FSTL4: variants seen among roughly 807,000 people sequenced by gnomAD.
FSTL4 encodes follistatin-related protein 4.
FSTL4 carries 28 observed loss-of-function variants against 78.2 expected under a neutral mutation model. The ratio of observed to expected loss-of-function variants is 0.36; its 90% CI spans 0.27 to 0.49. The LOEUF (loss-of-function observed/expected upper bound fraction) is 0.49, where lower values mean the gene tolerates loss of function less well. Among genes scored for constraint, FSTL4 ranks in the 20% least tolerant of loss-of-function variants. The probability of loss-of-function intolerance (pLI) is 0.98; values close to 1 mark genes in which losing one functional copy is unlikely to be tolerated. For synonymous variants in FSTL4, 422 were observed against 440.5 expected (o/e 0.96, Z 0.53); for missense variants, 922 against 1,084.9 (o/e 0.85, Z 2.11).
chr5:133,691,613 G>A, the FSTL4 span, among the ~76,000 whole-genome samples: 36 of 152,226 alleles, frequency 2.4e-4, no homozygotes, highest in East Asian at 2.3e-3. Flanking sequence ...TTTGGTCCAA[G>A]TCTCACACTG....
intron 3 of FSTL4, among the ~76,000 whole-genome samples, chr5:133,547,390 G>A (rs1759603414): frequency 6.6e-6 from 1 of 152,162 alleles, no homozygotes; most frequent in Admixed American, 6.5e-5. Flanking sequence ...AGACCTTTGG[G>A]ACTATTAGAA....
chr5:133,310,737 A>C (rs1266423092), intron 6 of FSTL4, among the ~76,000 whole-genome samples: 1 of 152,214 alleles, frequency 6.6e-6, no homozygotes, highest in African/African-American at 2.4e-5. Context: ...CTTTTCCTTC[A>C]TAACTCCTTT....
chr5:133,741,662 C>A, the FSTL4 span, among the ~76,000 whole-genome samples: 1 of 152,282 alleles, frequency 6.6e-6, no homozygotes, highest in East Asian at 1.9e-4. Flanking sequence ...CCTCTCTGCC[C>A]AAGTGGGAAA....
intron 7 of FSTL4, among the ~76,000 whole-genome samples, chr5:133,243,247 C>G (rs749582521): frequency 6.6e-6 from 1 of 151,970 alleles, no homozygotes; most frequent in South Asian, 2.1e-4. Context: ...AAAAAAAAAC[C>G]CAAAACAAAA....
the FSTL4 span, among the ~76,000 whole-genome samples, chr5:133,630,725 A>G: frequency 2.0e-5 from 3 of 152,238 alleles, no homozygotes; most frequent in African/African-American, 7.2e-5. Context: ...GCATCACGCT[A>G]CCTGACTTCA....
chr5:133,560,113 G>A (rs1272617180), intron 3 of FSTL4, among the ~76,000 whole-genome samples: 1 of 152,228 alleles, frequency 6.6e-6, no homozygotes, highest in Non-Finnish European at 1.5e-5. Flanking sequence ...TGCCTGCACA[G>A]CAGCATGAGA....
intron 4 of FSTL4, among the ~76,000 whole-genome samples, chr5:133,370,867 G>A (rs1042897591): frequency 2.6e-5 from 4 of 152,198 alleles, no homozygotes; most frequent in African/African-American, 9.7e-5. Flanking sequence ...GCCCCATGGA[G>A]CAACAGGGAA....
chr5:133,633,724 G>T, the FSTL4 span, among the ~76,000 whole-genome samples: 1 of 152,164 alleles, frequency 6.6e-6, no homozygotes, highest in South Asian at 2.1e-4. Context: ...TGAAACTCTG[G>T]ATCTTATTTA....
At chr5:133,674,812 G>A in the FSTL4 span, among the ~76,000 whole-genome samples, 1 of 152,168 alleles carries the variant, frequency 6.6e-6, no homozygotes, top group Non-Finnish European at 1.5e-5. Context: ...ATAGGCGTTA[G>A]GGTAGGAAAT....
chr5:133,249,334 C>A, intron 7 of FSTL4, 76 bp downstream of exon 7: 3 of 1,161,872 alleles, frequency 2.6e-6, no homozygotes, highest in Non-Finnish European at 3.9e-6. Flanking sequence ...CGTCCTGCCA[C>A]TGTCTGTGGC....
At chr5:133,655,647 G>A in the FSTL4 span, among the ~76,000 whole-genome samples, 3 of 152,080 alleles carry the variant, frequency 2.0e-5, no homozygotes, top group Admixed American at 1.3e-4. Flanking sequence ...GAAGGGAAAC[G>A]GAAAACATAA....
At chr5:133,356,802 G>C (rs531883283) in intron 4 of FSTL4, among the ~76,000 whole-genome samples, 2 of 152,338 alleles carry the variant, frequency 1.3e-5, no homozygotes, top group South Asian at 4.1e-4. Context: ...TTTGGCAGGG[G>C]ACCCCTCACA....
At chr5:133,739,771 T>C in the FSTL4 span, among the ~76,000 whole-genome samples, 1 of 152,260 alleles carries the variant, frequency 6.6e-6, no homozygotes, top group East Asian at 1.9e-4. Context: ...CTTCCTTCTG[T>C]GGAGAAGGTA....
chr5:133,610,803 T>C (rs905441226), intron 1 of FSTL4, among the ~76,000 whole-genome samples: 1 of 152,176 alleles, frequency 6.6e-6, no homozygotes, highest in Non-Finnish European at 1.5e-5. Flanking sequence ...AATTTGGCAG[T>C]AGGAAAATAA....
intron 7 of FSTL4, among the ~76,000 whole-genome samples, chr5:133,235,735 G>A (rs1232527477): frequency 6.6e-6 from 1 of 152,144 alleles, no homozygotes; most frequent in Non-Finnish European, 1.5e-5. Flanking sequence ...GCTTCAAAGA[G>A]CCCTTTTCTA....
At chr5:133,219,214 C>T (rs1301983942) in intron 12 of FSTL4, among the ~76,000 whole-genome samples, 1 of 152,144 alleles carries the variant, frequency 6.6e-6, no homozygotes, top group Non-Finnish European at 1.5e-5. Flanking sequence ...CTAATGGCAC[C>T]CAGATCTGTC....
At chr5:133,680,248 A>G in the FSTL4 span, among the ~76,000 whole-genome samples, 1 of 152,166 alleles carries the variant, frequency 6.6e-6, no homozygotes, top group Non-Finnish European at 1.5e-5. Flanking sequence ...ACTGAGACCT[A>G]CTATGAGGCC....
chr5:133,240,743 C>T (rs1751843497), intron 7 of FSTL4, among the ~76,000 whole-genome samples: 1 of 152,164 alleles, frequency 6.6e-6, no homozygotes, highest in South Asian at 2.1e-4. Context: ...CATGTGGTTC[C>T]TGTGCATAAC....
intron 3 of FSTL4, among the ~76,000 whole-genome samples, chr5:133,505,980 T>A (rs1314465460): frequency 6.6e-6 from 1 of 152,206 alleles, no homozygotes; most frequent in Non-Finnish European, 1.5e-5. Flanking sequence ...AAGACAACTA[T>A]AGAATCCCAG....
Sources: gnomAD v4.1 joint callset for allele counts (sites outside exome capture counted in the v4.1 genomes callset) on GRCh38, gnomAD v4.1.1 for gene constraint, MANE v1.5 for transcripts, NCBI Gene and HGNC (gene_info 2026-07-23, HGNC 2026-07-21) for gene names.